Variants in CLTC observed in about 807,000 individuals in gnomAD.
CLTC encodes clathrin heavy chain, also known as clathrin heavy chain 1.
In CLTC, 16 loss-of-function variants were observed where a neutral mutation model predicts 195.8. That is an observed-to-expected ratio of 0.08 (90% CI 0.06 to 0.12). The LOEUF is 0.12. Ranked by LOEUF, CLTC falls within the 10% of genes least tolerant of loss-of-function variation. The pLI, the probability that CLTC is intolerant of heterozygous loss-of-function variation, is 1.00. For synonymous variants in CLTC, 667 were observed against 689.4 expected, an observed-to-expected ratio of 0.97 and a Z score of 0.51; for missense variants, 796 against 2,027.0, an observed-to-expected ratio of 0.39 and a Z score of 11.66.
chr17:59,633,545 T>C (rs529477265), intron 1 of CLTC, among the ~76,000 whole-genome samples: 25 of 152,320 alleles, frequency 1.6e-4, no homozygotes, highest in Non-Finnish European at 3.2e-4. Flanking sequence ...AAAATGGTTC[T>C]AGTCTTATAA....
In CLTC at chr17:59,682,356, A is replaced by G. The variant is rs2033097764; in HGVS notation, c.3528A>G (p.Ala1176=). The stretch of plus-strand genomic sequence containing the variant: ...ATGTGGAGACAGAACTGATATTCGC[A>G]CTGGCTAAAACAAACCGCCTTGCAG... ...ESYVETELIF[A]LAKTNRLAEL... is the part of the protein sequence containing the mutation. Residue 1176 remains alanine (A), a synonymous_variant, in exon 22 of 32, where the codon GCA becomes GCG. Coordinates refer to ENST00000269122, the MANE Select transcript of CLTC (RefSeq NM_004859.4). This position sits in a 1 kb window ranked among gnomAD's most constrained non-coding sequence, Gnocchi z 6.8. 6.2e-7 allele frequency: 1 copy of G among 1,614,184 alleles called. No homozygotes were observed. The highest frequency in any genetic ancestry group is 2.2e-5 in the East Asian group (1 of 44,880).
intron 1 of CLTC, among the ~76,000 whole-genome samples, chr17:59,631,207 C>G (rs1598202583): frequency 6.6e-6 from 1 of 152,162 alleles, no homozygotes; most frequent in Non-Finnish European, 1.5e-5. Context: ...CAGATTGTTT[C>G]CGTTTCTTCT....
chr17:59,673,443 G>A (rs1242092658), intron 14 of CLTC, among the ~76,000 whole-genome samples: 1 of 152,088 alleles, frequency 6.6e-6, no homozygotes, highest in Non-Finnish European at 1.5e-5. Context: ...TTGGTATCTT[G>A]CTGTGTGAAT....
chr17:59,661,931 C>T (rs1034258803), intron 8 of CLTC, among the ~76,000 whole-genome samples: 5 of 151,870 alleles, frequency 3.3e-5, no homozygotes, highest in Admixed American at 6.6e-5. Flanking sequence ...GGAGAAACCC[C>T]GTCTCTACTA....
At chr17:59,642,136 T>C (rs2032056518) in intron 1 of CLTC, among the ~76,000 whole-genome samples, 1 of 152,090 alleles carries the variant, frequency 6.6e-6, no homozygotes, top group African/African-American at 2.4e-5. Flanking sequence ...TTTTTGACTT[T>C]CCTTTTTCCT....
At chr17:59,655,095 C>A (rs1259332543) in intron 5 of CLTC, among the ~76,000 whole-genome samples, 2 of 152,186 alleles carry the variant, frequency 1.3e-5, no homozygotes, top group African/African-American at 4.8e-5. Context: ...TTGGCTAGGT[C>A]AAAAGGCCCA....
intron 14 of CLTC, among the ~76,000 whole-genome samples, chr17:59,670,351 G>A (rs1598230820): frequency 1.3e-5 from 2 of 151,824 alleles, no homozygotes; most frequent in East Asian, 3.9e-4. Context: ...TAGGTAAACT[G>A]TGTCATGGGG....
chr17:59,676,110 G>T (rs1337997230), intron 16 of CLTC, among the ~76,000 whole-genome samples: 1 of 152,172 alleles, frequency 6.6e-6, no homozygotes, highest in Non-Finnish European at 1.5e-5. Context: ...GGAAGCTAAG[G>T]TGAGAGGATT....
intron 16 of CLTC, among the ~76,000 whole-genome samples, chr17:59,676,747 C>T (rs2032974681): frequency 6.6e-6 from 1 of 152,146 alleles, no homozygotes; most frequent in South Asian, 2.1e-4. Flanking sequence ...ACTAGGATCA[C>T]TTGAGCCCAA....
chr17:59,684,259 T>C (rs2033133570), intron 28 of CLTC: 3 of 307,318 alleles, frequency 9.8e-6, no homozygotes, highest in Non-Finnish European at 1.8e-5. Context: ...CAAAAATGTC[T>C]TTGACCACTT....
Position 59,679,383 on chromosome 17 carries a change from C to A in CLTC, c.2797-14C>A. On this transcript the variant is annotated splice_polypyrimidine_tract_variant and intron_variant, in intron 17 of 31. Coordinates refer to ENST00000269122, the MANE Select transcript of CLTC (RefSeq NM_004859.4). ...ACTTTTTACCTTGAAATTAATCTATCATATCTTCTTTAGGTTTGCAATGAG... is the reference window on the plus strand; with the variant it reads ...ACTTTTTACCTTGAAATTAATCTATAATATCTTCTTTAGGTTTGCAATGAG... The A allele has an allele frequency of 6.3e-7, 1 of 1,588,804 alleles. No homozygotes were observed. The highest frequency in any genetic ancestry group is 8.6e-7 in the Non-Finnish European group (1 of 1,165,120).
At chr17:59,627,614 A>G (rs534999636) in intron 1 of CLTC, among the ~76,000 whole-genome samples, 2 of 152,320 alleles carry the variant, frequency 1.3e-5, no homozygotes, top group Admixed American at 1.3e-4. Flanking sequence ...TATTTTTTAT[A>G]TTATGAGAAA....
chr17:59,673,753 T>C lies in CLTC; in HGVS notation c.2399T>C (p.Ile800Thr). The C allele has an allele frequency of 1.5e-6, 2 of 1,292,996 alleles. No individual in the cohort carries two copies. The highest frequency in any genetic ancestry group is 4.6e-5 in the East Asian group (2 of 43,268). 80.1% of individuals were successfully genotyped at this position (1,292,996 alleles called of 1,614,324 possible). Residue 800 changes from isoleucine to threonine, a missense_variant, in exon 15 of 32, where the codon ATA (isoleucine) becomes ACA (threonine). By Grantham distance (89) the Ile-to-Thr change is moderately conservative (BLOSUM62 -1). Around this residue, in one of 9 missense-constraint regions of CLTC, gnomAD observed 160 missense variants for 448.2 expected, o/e 0.36. Coordinates refer to ENST00000269122, the MANE Select transcript of CLTC (RefSeq NM_004859.4). ...YLYRNNLQKYIEIYVQKVNPS... is the reference protein window; with the variant it reads ...YLYRNNLQKYTEIYVQKVNPS... ...TATAGAAATAATCTTCAAAAGTATA[T>C]AGAGATATATGTACAGAAGGTAAGT...
Position 59,695,452 on chromosome 17 carries a change from T to TTGAG in CLTC, c.*1600_*1601insTGAG, listed in dbSNP as rs2033398054. 5.6e-6 allele frequency: 1 copy of TTGAG among 177,984 alleles called. No individual in the cohort carries two copies. Among genetic ancestry groups the TTGAG allele is most frequent in the African/African-American group, 2.4e-5 (1 of 42,210 alleles). 11.0% of individuals were successfully genotyped at this position (177,984 alleles called of 1,614,324 possible). A position where few individuals can be genotyped will look rare whatever the true frequency, so the allele number is the denominator to read the frequency against. On this transcript the variant is annotated 3_prime_UTR_variant, in exon 32 of 32. Coordinates refer to ENST00000269122, the MANE Select transcript of CLTC (RefSeq NM_004859.4). ...AGGCGGATTGCTTGAGGCCAGGAGT[T>TTGAG]CGAGACAAGCCTGACCAACATGGTG... is the stretch of plus-strand genomic sequence containing the variant.
At chr17:59,675,076 G>A (rs1419480818) in intron 16 of CLTC, among the ~76,000 whole-genome samples, 1 of 152,054 alleles carries the variant, frequency 6.6e-6, no homozygotes, top group African/African-American at 2.4e-5. Context: ...TTTTTGGCAT[G>A]TTTATAATTA....
At chr17:59,679,968 A>T (rs967129293) in intron 18 of CLTC, among the ~76,000 whole-genome samples, 2 of 151,758 alleles carry the variant, frequency 1.3e-5, no homozygotes, top group African/African-American at 4.8e-5. Context: ...AATCGCTTGA[A>T]CCCGGGAGGT....
chr17:59,692,953 T>A (rs1469552846), intron 31 of CLTC, among the ~76,000 whole-genome samples: 2 of 152,204 alleles, frequency 1.3e-5, no homozygotes, highest in South Asian at 2.1e-4. Flanking sequence ...GTGTCTTATT[T>A]TTAATTTAAC....
At position 59,648,910 on chromosome 17, in the gene CLTC, G is replaced by T. The variant is rs2032261461; in HGVS notation, c.681+509G>T. On this transcript the variant is annotated intron_variant, in intron 4 of 31. Coordinates refer to ENST00000269122, the MANE Select transcript of CLTC (RefSeq NM_004859.4). This position sits in a 1 kb window ranked among gnomAD's most constrained non-coding sequence, Gnocchi z 4.5. ...GGGTCTCACTATACTGCCCAGGCTG[G>T]TCTCAAACCTCTGGGTCCAAGTGAT... is the stretch of plus-strand genomic sequence containing the variant. 6.6e-6 allele frequency among the ~76,000 whole-genome samples: 1 copy of T among 152,132 alleles called. No individual in the cohort carries two copies. The highest frequency in any genetic ancestry group is 1.5e-5 in the Non-Finnish European group (1 of 68,012).
At chr17:59,645,605 T>G (rs1207875523) in intron 2 of CLTC, among the ~76,000 whole-genome samples, 2 of 152,192 alleles carry the variant, frequency 1.3e-5, no homozygotes, top group Non-Finnish European at 1.5e-5. Context: ...GTTGATAAAT[T>G]TGTGACTAAG....
Sources: gnomAD v4.1 joint callset for allele counts (sites outside exome capture counted in the v4.1 genomes callset) on GRCh38, gnomAD v4.1.1 for gene constraint, gnomAD v4.1.1 regional missense constraint, Gnocchi (gnomAD v3.1) non-coding constraint, MANE v1.5 for transcripts, NCBI Gene and HGNC (gene_info 2026-07-23, HGNC 2026-07-21) for gene names.